The following SLC39A8 variants were observed in gnomAD, a reference collection of about 807,000 sequenced individuals.
SLC39A8 encodes the protein metal cation symporter ZIP8.
A neutral mutation model predicts 40.4 loss-of-function variants in SLC39A8; 15 were observed. The observed-to-expected ratio is 0.37, with a 90% confidence interval of 0.25 to 0.57. SLC39A8 has a LOEUF of 0.57. SLC39A8 is among the 20% of genes least tolerant of loss of function. The pLI is 0.75. For missense variants in SLC39A8, 472 were observed against 558.8 expected (o/e 0.84, Z 1.57); for synonymous variants, 223 against 221.6 (o/e 1.01, Z -0.06).
At chr4:102,325,547 G>A (rs561849864) in intron 2 of SLC39A8, among the ~76,000 whole-genome samples, 8 of 152,296 alleles carry the variant, frequency 5.3e-5, no homozygotes, top group African/African-American at 1.9e-4. Context: ...GTTTTATGAT[G>A]CACTGCTAGG....
At chr4:102,309,525 C>T (rs944821923) in intron 3 of SLC39A8, among the ~76,000 whole-genome samples, 1 of 152,074 alleles carries the variant, frequency 6.6e-6, no homozygotes. Flanking sequence ...CACCTTTTAT[C>T]GTGGTAGATC....
intron 6 of SLC39A8, among the ~76,000 whole-genome samples, chr4:102,295,298 A>G (rs1158906620): frequency 1.3e-5 from 2 of 151,720 alleles, no homozygotes; most frequent in African/African-American, 4.8e-5. Context: ...TGGACCTGAA[A>G]GCACATTCCA....
intron 6 of SLC39A8, among the ~76,000 whole-genome samples, chr4:102,289,722 C>G (rs1733339283): frequency 6.6e-6 from 1 of 151,992 alleles, no homozygotes; most frequent in Non-Finnish European, 1.5e-5. Flanking sequence ...CGGGAAATAG[C>G]AAGAGAATTA....
intron 6 of SLC39A8, among the ~76,000 whole-genome samples, chr4:102,301,220 G>T (rs1733910170): frequency 6.6e-6 from 1 of 151,974 alleles, no homozygotes; most frequent in Non-Finnish European, 1.5e-5. Flanking sequence ...AATATTGAAG[G>T]AATTGTGCCA....
chr4:102,344,602 C>G lies in SLC39A8; in HGVS notation c.61G>C (p.Val21Leu), dbSNP rs1325522193. The change falls in exon 2 of 9, where the codon GTG becomes CTG. Residue 21 changes from valine to leucine, a missense_variant. By Grantham distance (32) the Val-to-Leu change is conservative. Around this residue, in one of 4 missense-constraint regions of SLC39A8, gnomAD observed 175 missense variants for 160.5 expected, o/e 1.09. Transcript: ENST00000356736. ...AAGGCTAGCCCTGGCCCCTCCGCCA[C>G]TCCTCCGAGGCCGGCGGCCGCCAGC... ...LLLAAAGLGG[V>L]AEGPGLAFSE... is the part of the protein sequence containing the mutation. 1.3e-6 allele frequency: 2 copies of G among 1,543,048 alleles called. No individual in the cohort carries two copies. Among genetic ancestry groups the G allele is most frequent in the South Asian group, 1.2e-5 (1 of 82,708 alleles).
intron 2 of SLC39A8, among the ~76,000 whole-genome samples, chr4:102,321,863 T>C (rs1734981214): frequency 6.6e-6 from 1 of 152,116 alleles, no homozygotes. Context: ...ATCAGGAGAA[T>C]CAGCATATAG....
At chr4:102,287,508 C>T (rs896900092) in intron 6 of SLC39A8, among the ~76,000 whole-genome samples, 3 of 152,072 alleles carry the variant, frequency 2.0e-5, no homozygotes, top group African/African-American at 7.2e-5. Flanking sequence ...TTGACCATTT[C>T]GCTTTCATCA....
chr4:102,337,737 A>G (rs958693979), intron 2 of SLC39A8, among the ~76,000 whole-genome samples: 81 of 152,358 alleles, frequency 5.3e-4, no homozygotes, highest in African/African-American at 1.8e-3. Context: ...TCATTGGCCG[A>G]AAACTTCTAG....
At position 102,344,580 on chromosome 4, in the gene SLC39A8, G is replaced by T. The variant is rs1161232722; in HGVS notation, c.83C>A (p.Ala28Asp). Reference sequence around the variant, plus strand: ...CACGCTCAGCACATCCTCGCTGAAGGCTAGCCCTGGCCCCTCCGCCACTCC... The same window carrying T: ...CACGCTCAGCACATCCTCGCTGAAGTCTAGCCCTGGCCCCTCCGCCACTCC... ...LGGVAEGPGLAFSEDVLSVFG... is the reference protein window; with the variant it reads ...LGGVAEGPGLDFSEDVLSVFG... Residue 28 changes from alanine (A) to aspartate (D), a missense_variant, in exon 2 of 9, where the codon GCC (alanine) becomes GAC (aspartate). By Grantham distance (126) the Ala-to-Asp change is moderately radical. Around this residue, in one of 4 missense-constraint regions of SLC39A8, gnomAD observed 175 missense variants for 160.5 expected, o/e 1.09. Transcript: ENST00000356736. 1 of 1,549,354 alleles carries T rather than the reference G, an allele frequency of 6.5e-7. No homozygotes were observed. The highest frequency in any genetic ancestry group is 8.7e-7 in the Non-Finnish European group (1 of 1,146,872).
intron 2 of SLC39A8, among the ~76,000 whole-genome samples, chr4:102,324,071 A>G (rs1056193314): frequency 6.6e-6 from 1 of 152,192 alleles, no homozygotes; most frequent in Non-Finnish European, 1.5e-5. Context: ...TATTCATGTA[A>G]CAAAACTGCC....
intron 6 of SLC39A8, among the ~76,000 whole-genome samples, chr4:102,277,897 A>C (rs1732692969): frequency 2.0e-5 from 3 of 152,228 alleles, no homozygotes; most frequent in Admixed American, 2.0e-4. Context: ...AGAATTCCCT[A>C]TTTAATAAAT....
intron 4 of SLC39A8, among the ~76,000 whole-genome samples, chr4:102,306,250 C>A (rs974147644): frequency 6.6e-6 from 1 of 151,664 alleles, no homozygotes; most frequent in African/African-American, 2.4e-5. Context: ...TTTACTTTGA[C>A]CCATAAAGCA....
intron 2 of SLC39A8, among the ~76,000 whole-genome samples, chr4:102,338,542 G>A (rs555245822): frequency 1.3e-5 from 2 of 152,190 alleles, no homozygotes; most frequent in African/African-American, 2.4e-5. Context: ...CATCATCATC[G>A]TAGCCTCCAC....
intron 6 of SLC39A8, among the ~76,000 whole-genome samples, chr4:102,283,941 A>C (rs908811964): frequency 6.6e-6 from 1 of 152,212 alleles, no homozygotes; most frequent in South Asian, 2.1e-4. Context: ...CCATAATATT[A>C]TTCTCTCGGA....
chr4:102,260,878 A>T (rs1731829658), downstream of SLC39A8, among the ~76,000 whole-genome samples: 1 of 152,212 alleles, frequency 6.6e-6, no homozygotes, highest in South Asian at 2.1e-4. Context: ...AATTAATGAA[A>T]CAGGTATTTA....
chr4:102,274,524 C>T (rs764648536), intron 6 of SLC39A8, among the ~76,000 whole-genome samples: 2 of 152,200 alleles, frequency 1.3e-5, no homozygotes, highest in Non-Finnish European at 2.9e-5. Context: ...TTGGAAAACA[C>T]ACTTCAGGAT....
At chr4:102,304,953 G>A (rs1450305783) in intron 5 of SLC39A8, 36 bp downstream of exon 5, 4 of 1,556,818 alleles carry the variant, frequency 2.6e-6, no homozygotes, top group Admixed American at 3.7e-5. Flanking sequence ...GCTTTAGGGG[G>A]TAAAATATTG....
chr4:102,312,369 T>C (rs1176324873), intron 3 of SLC39A8, among the ~76,000 whole-genome samples: 1 of 152,104 alleles, frequency 6.6e-6, no homozygotes, highest in African/African-American at 2.4e-5. Context: ...GTCTGAATAT[T>C]TGGTGATCCC....
chr4:102,333,256 C>A (rs896921153), intron 2 of SLC39A8, among the ~76,000 whole-genome samples: 4 of 152,014 alleles, frequency 2.6e-5, no homozygotes, highest in African/African-American at 9.7e-5. Context: ...AGACTGGATG[C>A]AGAGGGCGGC....
Sources: allele counts gnomAD v4.1 joint callset (sites outside exome capture counted in the v4.1 genomes callset), GRCh38; gene constraint gnomAD v4.1.1; regional missense constraint gnomAD v4.1.1; transcripts MANE v1.5; gene names NCBI Gene and HGNC (gene_info 2026-07-23, HGNC 2026-07-21).